Variants in NUGGC observed in about 807,000 individuals in gnomAD.
NUGGC encodes the protein nuclear GTPase, germinal center associated, also known as nuclear GTPase SLIP-GC.
NUGGC carries 58 observed loss-of-function variants against 92.6 expected under a neutral mutation model. That is an observed-to-expected ratio of 0.63 (90% CI 0.51 to 0.78). The LOEUF (loss-of-function observed/expected upper bound fraction) is 0.78, where lower values mean the gene tolerates loss of function less well. NUGGC is among the 30% of genes least tolerant of loss of function. The pLI is 0.00. For missense variants in NUGGC, 925 were observed against 964.6 expected, an observed-to-expected ratio of 0.96 and a Z score of 0.54; for synonymous variants, 376 against 366.4, an observed-to-expected ratio of 1.03 and a Z score of -0.30.
chr8:28,042,463 G>GC (rs1809723995), intron 12 of NUGGC, among the ~76,000 whole-genome samples: 2 of 152,172 alleles, frequency 1.3e-5, no homozygotes, highest in Non-Finnish European at 2.9e-5. Context: ...TGTCAATCTT[G>GC]TGCCCTCTGG....
rs149363017 is a variant in NUGGC, at chr8:28,023,351, G to A, written c.2357C>T (p.Pro786Leu). The A allele has an allele frequency of 6.1e-5, 99 of 1,613,848 alleles. No homozygotes were observed. The African/African-American group carries it at 1.2e-3, about 19-fold the overall frequency. The stretch of plus-strand genomic sequence containing the variant: ...TGTCCCGGGGGGGCCAGCCTTGCTG[G>A]GGGATGCCCTTAGGAGGAATTCTTG... ...GMQEFLLRASPSKAGPPGTSL is the reference protein window; with the variant it reads ...GMQEFLLRASLSKAGPPGTSL Residue 786 changes from proline to leucine, a missense_variant, in exon 19 of 19, where the codon CCC becomes CTC. By Grantham distance (98) the Pro-to-Leu change is moderately conservative. Transcript: ENST00000413272.
intron 14 of NUGGC, 117 bp downstream of exon 14, chr8:28,033,423 C>T: frequency 9.8e-7 from 1 of 1,015,330 alleles, no homozygotes; most frequent in Non-Finnish European, 1.4e-6. Flanking sequence ...CTAAGGTTTC[C>T]TTCTCCAGTT....
intron 9 of NUGGC, among the ~76,000 whole-genome samples, chr8:28,057,126 G>T (rs1810162767): frequency 6.6e-6 from 1 of 152,130 alleles, no homozygotes; most frequent in African/African-American, 2.4e-5. Context: ...TCCTGGAGGG[G>T]CTCCCAAGTA....
intron 4 of NUGGC, 52 bp downstream of exon 4, chr8:28,069,492 C>T (rs1810531401): frequency 1.1e-6 from 1 of 898,934 alleles, no homozygotes; most frequent in Admixed American, 1.8e-5. Flanking sequence ...CCTATAATCG[C>T]CTAAGGAAAG....
At chr8:28,063,626 G>A (rs1184739113) in intron 7 of NUGGC, among the ~76,000 whole-genome samples, 2 of 152,180 alleles carry the variant, frequency 1.3e-5, no homozygotes, top group Non-Finnish European at 2.9e-5. Flanking sequence ...CTCCAAGGCT[G>A]TGTGGTCCTG....
At chr8:28,043,881 C>A (rs185271006) in intron 12 of NUGGC, among the ~76,000 whole-genome samples, 1 of 152,178 alleles carries the variant, frequency 6.6e-6, no homozygotes, top group Non-Finnish European at 1.5e-5. Context: ...ACGATTTCAG[C>A]GGACAAAGTC....
chr8:28,074,391 A>G lies in NUGGC; in HGVS notation c.20T>C (p.Val7Ala). MAETKDVFGQEPHPVED... is the reference protein window; with the variant it reads MAETKDAFGQEPHPVED... ...ACCTGGATGCGGTTCCTGGCCAAAA[A>G]CATCCTTCGTTTCTGCCATTCCTTG... The change falls in exon 2 of 19, where the codon GTT becomes GCT. Residue 7 changes from valine to alanine, a missense_variant. By Grantham distance (64) the Val-to-Ala change is moderately conservative. Transcript: ENST00000413272. 6.2e-7 allele frequency: 1 copy of G among 1,613,738 alleles called. No individual in the cohort carries two copies. The highest frequency in any genetic ancestry group is 8.5e-7 in the Non-Finnish European group (1 of 1,179,718).
intron 1 of NUGGC, among the ~76,000 whole-genome samples, chr8:28,079,900 T>TTTTTTG (rs1380275147): frequency 6.0e-5 from 9 of 150,762 alleles, no homozygotes; most frequent in African/African-American, 1.9e-4. Flanking sequence ...TGCAAACTGC[T>TTTTTTG]TTTTTGTTTT....
chr8:28,077,352 T>A (rs1382244445), intron 1 of NUGGC, among the ~76,000 whole-genome samples: 2 of 150,096 alleles, frequency 1.3e-5, no homozygotes, highest in Non-Finnish European at 3.0e-5. Flanking sequence ...AGCCCTGGAG[T>A]TTGAGACCAG....
rs9694130 is a variant in NUGGC at position 28,064,343 on chromosome 8, C to A, written c.921+179G>T. The stretch of plus-strand genomic sequence containing the variant: ...GTCACATCCTGTGATTCCTCCCTCC[C>A]CACTTTCTCTGGCTACCCACACCCT... On this transcript the variant is annotated intron_variant, in intron 7 of 18. Transcript: ENST00000413272. Among the ~76,000 whole-genome samples, 38 of 152,314 alleles carry A rather than the reference C, an allele frequency of 2.5e-4. No homozygotes were observed. In the South Asian group the frequency reaches 7.7e-3, roughly 31 times the overall value.
chr8:28,049,566 A>G (rs940473332), intron 10 of NUGGC, among the ~76,000 whole-genome samples: 4 of 152,194 alleles, frequency 2.6e-5, no homozygotes, highest in African/African-American at 9.7e-5. Context: ...GTGTCAGTGA[A>G]GTGACTCTAG....
rs1810270078 is a variant in NUGGC, at chr8:28,060,424, A to G, written c.1097+2T>C. On this transcript the variant is annotated splice_donor_variant, in intron 8 of 18. Transcript: ENST00000413272. LOFTEE classifies it high-confidence loss of function. ...CACATCCTTGCAAGCCCAGCACAAT[A>G]CCTTAGGTATTCTGGCAAGTGGAGT... 1 of 1,613,190 alleles carries G rather than the reference A, an allele frequency of 6.2e-7. No homozygotes were observed. The highest frequency in any genetic ancestry group is 1.3e-5 in the African/African-American group (1 of 74,828).
chr8:28,080,973 C>T (rs779724514), intron 1 of NUGGC, among the ~76,000 whole-genome samples: 3 of 152,086 alleles, frequency 2.0e-5, no homozygotes, highest in African/African-American at 7.3e-5. Flanking sequence ...CTCTCTGAGC[C>T]TCTATTTCTC....
chr8:28,052,269 C>T (rs149310241), intron 10 of NUGGC, among the ~76,000 whole-genome samples: 1,659 of 152,282 alleles, frequency 0.011, 14 homozygotes, highest in South Asian at 0.018. Flanking sequence ...CTTGCAACTG[C>T]TGCAGGCCAG....
At chr8:28,057,411 G>A (rs192616564) in intron 9 of NUGGC, among the ~76,000 whole-genome samples, 4 of 147,760 alleles carry the variant, frequency 2.7e-5, no homozygotes, top group Admixed American at 7.0e-5. Context: ...GCGCGATCTC[G>A]GCTCAGTGCA....
At chr8:28,029,220 C>T in intron 17 of NUGGC, 46 bp downstream of exon 17, 1 of 1,576,716 alleles carries the variant, frequency 6.3e-7, no homozygotes, top group Admixed American at 1.8e-5. Flanking sequence ...CTCTCCTCCC[C>T]CGGAGCCTCT....
Position 28,047,496 on chromosome 8 carries a change from A to C in NUGGC, c.1312+11T>G, listed in dbSNP as rs1419263135. On this transcript the variant is annotated intron_variant, in intron 11 of 18. Coordinates refer to ENST00000413272, the MANE Select transcript of NUGGC (RefSeq NM_001010906.2). ...AATTTTAGTGATGGAGATTTAAAAA[A>C]CATAAATTACCCGTTTCCTCCTCGG... The C allele has an allele frequency of 1.3e-6, 2 of 1,497,622 alleles. No homozygotes were observed. The highest frequency in any genetic ancestry group is 2.5e-5 in the South Asian group (2 of 81,580). The allele number at this position is 1,497,622 out of a possible 1,614,324, so 92.8% of individuals were successfully genotyped here. A position where few individuals can be genotyped will look rare whatever the true frequency, so the allele number is the denominator to read the frequency against.
At chr8:28,046,299 C>T (rs1411027857) in intron 11 of NUGGC, among the ~76,000 whole-genome samples, 3 of 152,298 alleles carry the variant, frequency 2.0e-5, no homozygotes, top group African/African-American at 4.8e-5. Context: ...GAACATTTCA[C>T]ACCTTCTGCT....
chr8:28,046,566 A>G (rs1370910123), intron 11 of NUGGC, among the ~76,000 whole-genome samples: 4 of 152,218 alleles, frequency 2.6e-5, no homozygotes, highest in Non-Finnish European at 4.4e-5. Context: ...TCTGTGAAGA[A>G]AGAGCCATGC....
Sources: allele counts gnomAD v4.1 joint callset (sites outside exome capture counted in the v4.1 genomes callset), GRCh38; gene constraint gnomAD v4.1.1; transcripts MANE v1.5; gene names NCBI Gene and HGNC (gene_info 2026-07-23, HGNC 2026-07-21).